Variants in SLC31A1 observed in about 807,000 individuals in gnomAD.
The protein encoded by SLC31A1 is high affinity copper uptake protein 1.
In SLC31A1, 5 loss-of-function variants were observed where a neutral mutation model predicts 17.2. That is an observed-to-expected ratio of 0.29 (90% CI 0.15 to 0.61). SLC31A1 has a LOEUF of 0.61. Ranked by LOEUF, SLC31A1 falls within the 20% of genes least tolerant of loss-of-function variation. The pLI is 0.86. For synonymous variants in SLC31A1, 76 were observed against 78.8 expected (o/e 0.96, Z 0.19); for missense variants, 161 against 241.4 (o/e 0.67, Z 2.21).
intron 1 of SLC31A1, among the ~76,000 whole-genome samples, chr9:113,235,684 C>T (rs753709258): frequency 3.9e-4 from 60 of 152,242 alleles, no homozygotes; most frequent in Admixed American, 1.4e-3. Flanking sequence ...AGGAGGGGAG[C>T]TCCTGGAGTA....
chr9:113,239,460 A>AT (rs1394357926), intron 1 of SLC31A1, among the ~76,000 whole-genome samples: 1 of 152,118 alleles, frequency 6.6e-6, no homozygotes, highest in Non-Finnish European at 1.5e-5. Context: ...ATCTATAAAG[A>AT]TTTTTTTCCT....
intron 4 of SLC31A1, among the ~76,000 whole-genome samples, chr9:113,259,490 AG>A (rs1318111789): frequency 6.6e-6 from 1 of 152,156 alleles, no homozygotes; most frequent in African/African-American, 2.4e-5. Flanking sequence ...AAGGTGGCAC[AG>A]GGGATGAGTA....
intron 1 of SLC31A1, among the ~76,000 whole-genome samples, chr9:113,240,437 G>A (rs1831509471): frequency 6.6e-6 from 1 of 152,180 alleles, no homozygotes; most frequent in African/African-American, 2.4e-5. Context: ...GAAGCTTGCT[G>A]TGTATATATG....
chr9:113,225,023 T>G (rs1014497021), intron 1 of SLC31A1, among the ~76,000 whole-genome samples: 2 of 152,260 alleles, frequency 1.3e-5, no homozygotes, highest in African/African-American at 4.8e-5. Context: ...ATTGCTGCTG[T>G]CATTTTTCTC....
intron 2 of SLC31A1, 136 bp from the exon 3 acceptor site, chr9:113,256,977 G>A: frequency 5.3e-6 from 4 of 756,572 alleles, no homozygotes; most frequent in South Asian, 2.9e-5. Flanking sequence ...TAACATGAGG[G>A]CAAAAGCCTC....
Position 113,261,176 on chromosome 9 carries a change from C to T in SLC31A1, c.*703C>T, listed in dbSNP as rs1048300001. On this transcript the variant is annotated 3_prime_UTR_variant, in exon 5 of 5. Coordinates refer to ENST00000374212, the MANE Select transcript of SLC31A1 (RefSeq NM_001859.4). Reference sequence around the variant, plus strand: ...ACTCAGAAGGCTGAGGCAGGAGAATCACTTGAACCTAGGAGGCGGAGGTTG... The same window carrying T: ...ACTCAGAAGGCTGAGGCAGGAGAATTACTTGAACCTAGGAGGCGGAGGTTG... 3 of 153,386 alleles carry T rather than the reference C, an allele frequency of 2.0e-5. No homozygotes were observed. Among genetic ancestry groups the T allele is most frequent in the Admixed American group, 6.5e-5 (1 of 15,496 alleles). The allele number at this position is 153,386 out of a possible 1,614,324, so 9.5% of individuals were successfully genotyped here.
At chr9:113,256,341 A>G (rs1831728478) in intron 2 of SLC31A1, 64 bp downstream of exon 2, 46 of 1,579,958 alleles carry the variant, frequency 2.9e-5, no homozygotes, top group Non-Finnish European at 3.9e-5. Context: ...GAAATAATGG[A>G]ATTTTAGTAC....
intron 4 of SLC31A1, among the ~76,000 whole-genome samples, chr9:113,259,202 G>A (rs954658542): frequency 2.0e-5 from 3 of 152,160 alleles, no homozygotes; most frequent in Non-Finnish European, 4.4e-5. Context: ...GATTGCAGTT[G>A]ATTCTATAAA....
intron 1 of SLC31A1, among the ~76,000 whole-genome samples, chr9:113,249,364 T>A (rs1831620757): frequency 6.6e-6 from 1 of 151,870 alleles, no homozygotes; most frequent in South Asian, 2.1e-4. Context: ...TTGTTTTTTT[T>A]TTATTTTTTT....
Position 113,248,056 on chromosome 9 carries a change from C to T in SLC31A1, c.-35-8058C>T, listed in dbSNP as rs140364300. Among the ~76,000 whole-genome samples the T allele has an allele frequency of 1.5e-3, 222 of 152,246 alleles. 1 individual carries two copies. The highest frequency in any genetic ancestry group is 5.1e-3 in the African/African-American group (211 of 41,538). On this transcript the variant is annotated intron_variant, in intron 1 of 4. Coordinates refer to ENST00000374212, the MANE Select transcript of SLC31A1 (RefSeq NM_001859.4). ...GAAGATGGCCAGGCATGGTGGCTCA[C>T]GCCTGTAATCCCAGCATTTTGGGAG...
intron 1 of SLC31A1, among the ~76,000 whole-genome samples, chr9:113,244,329 TTA>T (rs1831554460): frequency 3.9e-5 from 6 of 152,164 alleles, no homozygotes; most frequent in Admixed American, 3.9e-4. Context: ...GTTTTCTCCT[TTA>T]TGTCTCTGAC....
intron 1 of SLC31A1, among the ~76,000 whole-genome samples, chr9:113,228,061 G>A (rs889857679): frequency 2.6e-5 from 4 of 152,202 alleles, no homozygotes; most frequent in Non-Finnish European, 5.9e-5. Context: ...AATACTATGA[G>A]ATTGGCAGCG....
Position 113,262,262 on chromosome 9 carries a change from T to C in SLC31A1, c.*1789T>C, listed in dbSNP as rs767988553. ...TAATCATCTTTGTTATTCGTGGGGG[T>C]TTAATTACATTACAAGTGGCCAAAA... On this transcript the variant is annotated 3_prime_UTR_variant, in exon 5 of 5. Transcript: ENST00000374212. 6.6e-6 allele frequency: 1 copy of C among 152,540 alleles called. No individual in the cohort carries two copies. The highest frequency in any genetic ancestry group is 1.9e-4 in the East Asian group (1 of 5,180). 9.4% of individuals were successfully genotyped at this position (152,540 alleles called of 1,614,324 possible).
chr9:113,252,629 T>A (rs949454414), intron 1 of SLC31A1, among the ~76,000 whole-genome samples: 1 of 152,182 alleles, frequency 6.6e-6, no homozygotes, highest in Non-Finnish European at 1.5e-5. Flanking sequence ...TTATCTTATA[T>A]CTCAAAATGA....
chr9:113,225,733 C>T (rs1402475747), intron 1 of SLC31A1, among the ~76,000 whole-genome samples: 2 of 152,162 alleles, frequency 1.3e-5, no homozygotes, highest in African/African-American at 4.8e-5. Context: ...TTTTGTCCAA[C>T]TTGGAAGTCT....
intron 1 of SLC31A1, among the ~76,000 whole-genome samples, chr9:113,235,244 A>G (rs750260352): frequency 1.3e-5 from 2 of 152,238 alleles, no homozygotes; most frequent in Admixed American, 6.5e-5. Flanking sequence ...TTCCACTTCA[A>G]TAGTCATTAG....
Position 113,260,654 on chromosome 9 carries a change from G to C in SLC31A1, c.*181G>C. The C allele has an allele frequency of 1.5e-6, 1 of 651,164 alleles. No individual in the cohort carries two copies. Among genetic ancestry groups the C allele is most frequent in the East Asian group, 2.8e-5 (1 of 35,612 alleles). 40.3% of individuals were successfully genotyped at this position (651,164 alleles called of 1,614,324 possible). A position where few individuals can be genotyped will look rare whatever the true frequency, so the allele number is the denominator to read the frequency against. On this transcript the variant is annotated 3_prime_UTR_variant, in exon 5 of 5. Transcript: ENST00000374212. ...TTTAGTTTACAGTCTCTGAACTAAA[G>C]TAGTAACCTCCCAAATTGTTTTTTC...
intron 1 of SLC31A1, among the ~76,000 whole-genome samples, chr9:113,223,642 T>C (rs993690857): frequency 6.6e-6 from 1 of 152,204 alleles, no homozygotes; most frequent in East Asian, 1.9e-4. Flanking sequence ...CCCCAGAAGA[T>C]TGGCCAGGAA....
chr9:113,236,410 T>C (rs897139654), intron 1 of SLC31A1, among the ~76,000 whole-genome samples: 10 of 151,794 alleles, frequency 6.6e-5, no homozygotes, highest in South Asian at 2.1e-4. Context: ...GTCGCCCAGG[T>C]TGGAGTGCAG....
Sources: allele counts gnomAD v4.1 joint callset (sites outside exome capture counted in the v4.1 genomes callset), GRCh38; gene constraint gnomAD v4.1.1; transcripts MANE v1.5; gene names NCBI Gene and HGNC (gene_info 2026-07-23, HGNC 2026-07-21).